CREB1: variants seen among roughly 807,000 people sequenced by gnomAD.
The protein encoded by CREB1 is cAMP responsive element binding protein 1.
A neutral mutation model predicts 42.0 loss-of-function variants in CREB1; 2 were observed. That is an observed-to-expected ratio of 0.05 (90% CI 0.02 to 0.15). The LOEUF is 0.15. Among genes scored for constraint, CREB1 ranks in the 10% least tolerant of loss-of-function variants. CREB1 has a pLI of 1.00. For missense variants in CREB1, 199 were observed against 388.9 expected, an observed-to-expected ratio of 0.51 and a Z score of 4.11; for synonymous variants, 123 against 139.9, an observed-to-expected ratio of 0.88 and a Z score of 0.85.
At chr2:207,553,045 G>A (rs2081575428) in intron 1 of CREB1, among the ~76,000 whole-genome samples, 1 of 147,610 alleles carries the variant, frequency 6.8e-6, no homozygotes, top group Non-Finnish European at 1.5e-5. Flanking sequence ...GAAAATTACG[G>A]ATAACTTACA....
intron 7 of CREB1, among the ~76,000 whole-genome samples, chr2:207,586,638 A>T (rs537366364): frequency 6.6e-6 from 1 of 152,216 alleles, no homozygotes; most frequent in East Asian, 1.9e-4. Flanking sequence ...AATGGGAGGA[A>T]TATTTACAAA....
At chr2:207,545,156 G>T (rs1350632213) in intron 1 of CREB1, among the ~76,000 whole-genome samples, 1 of 152,104 alleles carries the variant, frequency 6.6e-6, no homozygotes, top group Non-Finnish European at 1.5e-5. Context: ...TTCCACAATG[G>T]TTGAACTAAC....
At chr2:207,590,082 A>ATTTTTTTTTTTTTTTT (rs1201693112) in intron 7 of CREB1, among the ~76,000 whole-genome samples, 1 of 95,562 alleles carries the variant, frequency 1.0e-5, no homozygotes, top group Non-Finnish European at 1.9e-5. Context: ...TATTTTGAGA[A>ATTTTTTTTTTTTTTTT]GTTTTTTTTT....
chr2:207,592,331 C>T (rs768513496), intron 7 of CREB1, among the ~76,000 whole-genome samples: 5 of 152,002 alleles, frequency 3.3e-5, no homozygotes, highest in Non-Finnish European at 5.9e-5. Flanking sequence ...CACTTAAACC[C>T]GGGAGGCAGA....
At position 207,560,351 on chromosome 2, in the gene CREB1, T is replaced by A; in HGVS notation, c.240T>A (p.Ser80=). 1 of 1,613,926 alleles carries A rather than the reference T, an allele frequency of 6.2e-7. No homozygotes were observed. The highest frequency in any genetic ancestry group is 8.5e-7 in the Non-Finnish European group (1 of 1,179,898). Residue 80 remains serine, a synonymous_variant, in exon 3 of 8, where the codon TCT becomes TCA. Transcript: ENST00000353267. The part of the protein sequence containing the change: ...IQAAQPSVIQ[S]PQVQTVQIST... The stretch of plus-strand genomic sequence containing the variant: ...CGGCCCAGCCATCAGTTATTCAGTC[T>A]CCACAAGTCCAAACAGTTCAGGTAT...
intron 6 of CREB1, chr2:207,577,237 G>C: frequency 2.7e-6 from 3 of 1,092,444 alleles, no homozygotes; most frequent in Non-Finnish European, 3.5e-6. Flanking sequence ...TGGTAAGCAT[G>C]TTAACAACAG....
Position 207,603,088 on chromosome 2 carries a change from T to A in CREB1, c.*6030T>A, listed in dbSNP as rs115526431. The A allele has an allele frequency of 5.7e-5, 12 of 210,962 alleles. No homozygotes were observed. The highest frequency in any genetic ancestry group is 1.1e-4 in the Non-Finnish European group (11 of 104,112). The allele number at this position is 210,962 out of a possible 1,614,324, so 13.1% of individuals were successfully genotyped here. On this transcript the variant is annotated 3_prime_UTR_variant, in exon 8 of 8. Transcript: ENST00000353267. ...CTCTGATGTTTCTATTGGAGTTGAA[T>A]ACTAAATAAATAACTATAATGAGGG...
At chr2:207,561,393 G>C (rs1358841805) in intron 3 of CREB1, among the ~76,000 whole-genome samples, 9 of 152,068 alleles carry the variant, frequency 5.9e-5, no homozygotes, top group Non-Finnish European at 1.2e-4. Context: ...GCATTTACTT[G>C]AACACTTTCA....
Position 207,604,050 on chromosome 2 carries a change from TG to T in CREB1, c.*6993del, listed in dbSNP as rs1191890101. Among the ~76,000 whole-genome samples, 1 of 152,160 alleles carries T rather than the reference TG, an allele frequency of 6.6e-6. No homozygotes were observed. Among genetic ancestry groups the T allele is most frequent in the African/African-American group, 2.4e-5 (1 of 41,436 alleles). ...CGATTACAGAATTTATTGCACAAAATGAGACATTTTGAGAGTGATATTAATT... is the reference window on the plus strand; with the variant it reads ...CGATTACAGAATTTATTGCACAAAATAGACATTTTGAGAGTGATATTAATT... On this transcript the variant is annotated 3_prime_UTR_variant, in exon 8 of 8. Coordinates refer to ENST00000353267, the MANE Select transcript of CREB1 (RefSeq NM_004379.5).
chr2:207,582,051 T>C (rs1004060469), intron 7 of CREB1: 2 of 700,692 alleles, frequency 2.9e-6, no homozygotes, highest in Non-Finnish European at 2.6e-6. Flanking sequence ...ATTGGCGATA[T>C]TAACTTTGAT....
At chr2:207,557,329 GT>G (rs2106463654) in intron 2 of CREB1, among the ~76,000 whole-genome samples, 1 of 152,196 alleles carries the variant, frequency 6.6e-6, no homozygotes, top group South Asian at 2.1e-4. Flanking sequence ...GGTAAAGCAT[GT>G]TTTTCAGTGG....
At chr2:207,541,704 A>G (rs1384831454) in intron 1 of CREB1, among the ~76,000 whole-genome samples, 1 of 152,236 alleles carries the variant, frequency 6.6e-6, no homozygotes, top group Non-Finnish European at 1.5e-5. Flanking sequence ...TATAATTCAC[A>G]TACTCTACAA....
At chr2:207,570,405 A>T in intron 5 of CREB1, 84 bp downstream of exon 5, 1 of 1,329,942 alleles carries the variant, frequency 7.5e-7, no homozygotes, top group Non-Finnish European at 1.0e-6. Context: ...CTTCAGAGAA[A>T]CCAATACAAG....
Position 207,555,662 on chromosome 2 carries a change from C to A in CREB1, c.27C>A (p.Asn9Lys), listed in dbSNP as rs2081688190. The change falls in exon 2 of 8, where the codon AAC becomes AAA. Residue 9 changes from asparagine to lysine, a missense_variant. Coordinates refer to ENST00000353267, the MANE Select transcript of CREB1 (RefSeq NM_004379.5). MTMESGAENQQSGDAAVTE... is the reference protein window; with the variant it reads MTMESGAEKQQSGDAAVTE... ...TGACCATGGAATCTGGAGCCGAGAA[C>A]CAGCAGAGTGGAGATGCAGCTGTAA... 1 of 1,612,892 alleles carries A rather than the reference C, an allele frequency of 6.2e-7. No individual in the cohort carries two copies. The highest frequency in any genetic ancestry group is 8.5e-7 in the Non-Finnish European group (1 of 1,179,258).
At chr2:207,564,897 G>T (rs1361967667) in intron 3 of CREB1, among the ~76,000 whole-genome samples, 2 of 151,998 alleles carry the variant, frequency 1.3e-5, no homozygotes, top group African/African-American at 4.8e-5. Flanking sequence ...AAAAGGAAGG[G>T]GTTCCATCAT....
intron 1 of CREB1, among the ~76,000 whole-genome samples, chr2:207,530,424 C>T (rs1422833686): frequency 2.7e-4 from 39 of 145,016 alleles, no homozygotes; most frequent in Middle Eastern, 3.6e-3. Context: ...GGGGTGGGAG[C>T]CGGCGGCCGG....
chr2:207,536,820 T>C (rs2080892399), intron 1 of CREB1, among the ~76,000 whole-genome samples: 1 of 151,786 alleles, frequency 6.6e-6, no homozygotes, highest in Admixed American at 6.6e-5. Context: ...TGAAACCCCA[T>C]CTCTACTAAA....
In CREB1 at chr2:207,555,714, G is replaced by C. The variant is rs1408259162; in HGVS notation, c.79G>C (p.Val27Leu). Residue 27 changes from valine to leucine, a missense_variant, in exon 2 of 8, where the codon GTT (valine) becomes CTT (leucine). Physicochemically the swap from Val to Leu is conservative, Grantham distance 32. Around this residue, in one of 4 missense-constraint regions of CREB1, gnomAD observed 53 missense variants for 57.1 expected, o/e 0.93. Transcript: ENST00000353267. ...VTEAENQQMTVQAQPQIATLA... is the reference protein window; with the variant it reads ...VTEAENQQMTLQAQPQIATLA... The stretch of plus-strand genomic sequence containing the variant: ...AGAAGCTGAAAACCAACAAATGACA[G>C]TTCAAGCCCAGCCACAGATTGCCAC... The C allele has an allele frequency of 6.2e-7, 1 of 1,613,526 alleles. No individual in the cohort carries two copies. Among genetic ancestry groups the C allele is most frequent in the Admixed American group, 1.7e-5 (1 of 59,986 alleles).
intron 7 of CREB1, among the ~76,000 whole-genome samples, chr2:207,579,136 A>G (rs2106591235): frequency 1.3e-5 from 2 of 152,288 alleles, no homozygotes; most frequent in Admixed American, 1.3e-4. Context: ...TGAGTATTTA[A>G]GTTTTACTAA....
Sources: gnomAD v4.1 joint callset for allele counts (sites outside exome capture counted in the v4.1 genomes callset) on GRCh38, gnomAD v4.1.1 for gene constraint, gnomAD v4.1.1 regional missense constraint, MANE v1.5 for transcripts, NCBI Gene and HGNC (gene_info 2026-07-23, HGNC 2026-07-21) for gene names.